Variants in GALNTL6 observed in about 807,000 individuals in gnomAD.
The protein encoded by GALNTL6 is polypeptide N-acetylgalactosaminyltransferase-like 6.
GALNTL6 carries 46 observed loss-of-function variants against 73.7 expected under a neutral mutation model. That is an observed-to-expected ratio of 0.62 (90% CI 0.49 to 0.80). The LOEUF (loss-of-function observed/expected upper bound fraction) is 0.80, where lower values mean the gene tolerates loss of function less well. Ranked by LOEUF, GALNTL6 falls within the 30% of genes least tolerant of loss-of-function variation. The pLI is 0.00. For missense variants in GALNTL6, 604 were observed against 755.0 expected (o/e 0.80, Z 2.34); for synonymous variants, 259 against 263.7 (o/e 0.98, Z 0.17).
At chr4:172,947,716 T>G (rs1298522193) in intron 9 of GALNTL6, among the ~76,000 whole-genome samples, 5 of 152,218 alleles carry the variant, frequency 3.3e-5, no homozygotes, top group Non-Finnish European at 7.3e-5. Flanking sequence ...TGTTTCCATT[T>G]CATGATTCTG....
chr4:172,864,586 T>A (rs1036842641), intron 7 of GALNTL6, among the ~76,000 whole-genome samples: 19 of 152,242 alleles, frequency 1.2e-4, no homozygotes, highest in Admixed American at 1.0e-3. Context: ...ATGATATCTC[T>A]ATTTCAGTTT....
At chr4:172,318,877 A>G (rs1042644777) in intron 4 of GALNTL6, among the ~76,000 whole-genome samples, 1 of 152,190 alleles carries the variant, frequency 6.6e-6, no homozygotes, top group African/African-American at 2.4e-5. Context: ...GTTGAATATC[A>G]AAGAACAGCC....
At chr4:172,714,751 G>T (rs1390705079) in intron 5 of GALNTL6, among the ~76,000 whole-genome samples, 1 of 152,104 alleles carries the variant, frequency 6.6e-6, no homozygotes, top group Non-Finnish European at 1.5e-5. Flanking sequence ...GAAAGCAGCA[G>T]GATAAATTGA....
At chr4:172,195,814 T>A (rs10013084) in intron 2 of GALNTL6, among the ~76,000 whole-genome samples, 6,386 of 152,120 alleles carry the variant, frequency 0.042, 421 homozygotes, top group African/African-American at 0.14. Context: ...TTTATAGCAC[T>A]AAATACCCAC....
chr4:172,063,423 C>T (rs1731265988), intron 2 of GALNTL6, among the ~76,000 whole-genome samples: 1 of 151,984 alleles, frequency 6.6e-6, no homozygotes, highest in South Asian at 2.1e-4. Context: ...ACAGATTTTT[C>T]CCTAAAACTC....
chr4:172,853,153 T>C (rs1000436701), intron 7 of GALNTL6, among the ~76,000 whole-genome samples: 3 of 152,078 alleles, frequency 2.0e-5, no homozygotes, highest in Non-Finnish European at 2.9e-5. Context: ...CAGGCCAAGG[T>C]TGTAGTCCCA....
intron 5 of GALNTL6, among the ~76,000 whole-genome samples, chr4:172,704,220 T>A (rs1487744795): frequency 6.6e-6 from 1 of 151,956 alleles, no homozygotes; most frequent in Non-Finnish European, 1.5e-5. Context: ...TTATTGTTTC[T>A]TTCCACTAAC....
At chr4:172,599,104 A>T (rs1335866817) in intron 5 of GALNTL6, among the ~76,000 whole-genome samples, 2 of 152,088 alleles carry the variant, frequency 1.3e-5, no homozygotes, top group African/African-American at 4.8e-5. Flanking sequence ...TAGAGTTTGA[A>T]GTTCTAGAAA....
intron 5 of GALNTL6, among the ~76,000 whole-genome samples, chr4:172,383,147 T>C (rs1743345615): frequency 6.6e-6 from 1 of 152,102 alleles, no homozygotes; most frequent in East Asian, 1.9e-4. Context: ...TAGGATCAGC[T>C]TGTCAATTTT....
intron 7 of GALNTL6, among the ~76,000 whole-genome samples, chr4:172,820,711 CTCAAG>C (rs1387933764): frequency 6.6e-6 from 1 of 152,206 alleles, no homozygotes; most frequent in African/African-American, 2.4e-5. Flanking sequence ...TTCCCTGCTT[CTCAAG>C]TCAAGTCAAT....
chr4:171,871,746 A>G (rs1234708963), intron 2 of GALNTL6, among the ~76,000 whole-genome samples: 2 of 152,204 alleles, frequency 1.3e-5, no homozygotes, highest in African/African-American at 4.8e-5. Context: ...AGATCACTCA[A>G]ATATTATGTT....
intron 2 of GALNTL6, among the ~76,000 whole-genome samples, chr4:171,832,387 T>C (rs1734998593): frequency 6.6e-6 from 1 of 151,590 alleles, no homozygotes. Context: ...TAATATGTTC[T>C]TGTTTTCATA....
chr4:172,141,200 G>C lies in GALNTL6; in HGVS notation c.139-88456G>C, dbSNP rs1003500264. On this transcript the variant is annotated intron_variant, in intron 2 of 12. Coordinates refer to ENST00000506823, the MANE Select transcript of GALNTL6 (RefSeq NM_001034845.3). ...GCAGAAAAGCTTTTTCAGTGTGCTGGATAGTAAGTGTTTAAGTGTCAGCAA... is the reference window on the plus strand; with the variant it reads ...GCAGAAAAGCTTTTTCAGTGTGCTGCATAGTAAGTGTTTAAGTGTCAGCAA... Among the ~76,000 whole-genome samples the C allele has an allele frequency of 3.9e-5, 6 of 152,096 alleles. No homozygotes were observed. The South Asian group carries it at 1.0e-3, about 26-fold the overall frequency.
intron 10 of GALNTL6, among the ~76,000 whole-genome samples, chr4:172,993,220 TAAGAA>T (rs1339195087): frequency 2.0e-5 from 3 of 152,168 alleles, no homozygotes; most frequent in Admixed American, 6.5e-5. Flanking sequence ...GGTGTCCTGA[TAAGAA>T]GAGAAGAGAC....
chr4:172,030,727 G>A (rs1437995053), intron 2 of GALNTL6, among the ~76,000 whole-genome samples: 4 of 151,256 alleles, frequency 2.6e-5, no homozygotes, highest in African/African-American at 7.3e-5. Context: ...ATAAAATATG[G>A]GGGACATATT....
At chr4:172,141,913 C>CACA (rs1560939874) in intron 2 of GALNTL6, among the ~76,000 whole-genome samples, 1,046 of 102,652 alleles carry the variant, frequency 0.01, 18 homozygotes, top group African/African-American at 0.031. Flanking sequence ...ACACACACAC[C>CACA]CCCCACACTC....
intron 2 of GALNTL6, among the ~76,000 whole-genome samples, chr4:172,092,601 T>A (rs1415462271): frequency 6.6e-6 from 1 of 151,998 alleles, no homozygotes; most frequent in Non-Finnish European, 1.5e-5. Context: ...TATAAAAAAA[T>A]AGTCATTCAT....
intron 2 of GALNTL6, among the ~76,000 whole-genome samples, chr4:171,830,970 T>TA (rs1268644678): frequency 1.3e-5 from 2 of 152,080 alleles, no homozygotes; most frequent in Non-Finnish European, 2.9e-5. Context: ...TACTAATCTT[T>TA]AAAAAAAGCA....
chr4:172,824,605 AAAT>A (rs776908809), intron 7 of GALNTL6, among the ~76,000 whole-genome samples: 10 of 152,086 alleles, frequency 6.6e-5, no homozygotes, highest in Non-Finnish European at 1.2e-4. Context: ...GGATACATAT[AAAT>A]AATAGGAGTG....
Sources: gnomAD v4.1 joint callset for allele counts (sites outside exome capture counted in the v4.1 genomes callset) on GRCh38, gnomAD v4.1.1 for gene constraint, MANE v1.5 for transcripts, NCBI Gene and HGNC (gene_info 2026-07-23, HGNC 2026-07-21) for gene names.